Variants in FREM2 observed in about 807,000 individuals in gnomAD.
FREM2 encodes the protein FRAS1 related extracellular matrix 2.
FREM2 carries 119 observed loss-of-function variants against 219.9 expected under a neutral mutation model. That is an observed-to-expected ratio of 0.54 (90% CI 0.47 to 0.63). FREM2 has a LOEUF of 0.63. Among genes scored for constraint, FREM2 ranks in the 30% least tolerant of loss-of-function variants. The probability of loss-of-function intolerance (pLI) is 0.00; values close to 1 mark genes in which losing one functional copy is unlikely to be tolerated. For missense variants in FREM2, 4,030 were observed against 3,993.6 expected (o/e 1.01, Z -0.25); for synonymous variants, 1,562 against 1,522.8 (o/e 1.03, Z -0.60).
At position 38,689,929 on chromosome 13, in the gene FREM2, C is replaced by T. The variant is rs1869737716; in HGVS notation, c.2585C>T (p.Ala862Val). The change falls in exon 1 of 24, where the codon GCC becomes GTC. Residue 862 changes from alanine (A) to valine (V), a missense_variant. By Grantham distance (64) the Ala-to-Val change is moderately conservative (BLOSUM62 0). Around this residue, in one of 2 missense-constraint regions of FREM2, gnomAD observed 3,102 missense variants for 2,950.7 expected, o/e 1.05. Coordinates refer to ENST00000280481, the MANE Select transcript of FREM2 (RefSeq NM_207361.6). The part of the protein sequence containing the change: ...LHVNDVDTDV[A>V]HISFTLTQAP... Reference sequence around the variant, plus strand: ...GTGAATGATGTAGACACTGATGTTGCCCATATCTCTTTCACTCTCACTCAG... The same window carrying T: ...GTGAATGATGTAGACACTGATGTTGTCCATATCTCTTTCACTCTCACTCAG... The T allele has an allele frequency of 6.2e-7, 1 of 1,614,148 alleles. No individual in the cohort carries two copies.
intron 2 of FREM2, among the ~76,000 whole-genome samples, chr13:38,742,438 G>A (rs959861642): frequency 6.6e-6 from 1 of 152,186 alleles, no homozygotes; most frequent in African/African-American, 2.4e-5. Context: ...CTAGCTGTGA[G>A]GAGCTCCCTG....
At chr13:38,878,412 G>A (rs1878425455) in intron 22 of FREM2, 91 bp downstream of exon 22, 1 of 830,440 alleles carries the variant, frequency 1.2e-6, no homozygotes, top group East Asian at 2.9e-5. Flanking sequence ...GGGCACAGTG[G>A]CCACACTATA....
At chr13:38,711,719 T>C (rs1436074515) in intron 2 of FREM2, among the ~76,000 whole-genome samples, 2 of 152,132 alleles carry the variant, frequency 1.3e-5, no homozygotes, top group African/African-American at 4.8e-5. Flanking sequence ...TCCCAAAAAA[T>C]TTAAAAGCAC....
intron 3 of FREM2, among the ~76,000 whole-genome samples, 180 bp from the exon 4 acceptor site, chr13:38,769,398 C>G (rs1372638850): frequency 6.6e-6 from 1 of 152,224 alleles, no homozygotes; most frequent in South Asian, 2.1e-4. Context: ...CACAAACTAC[C>G]CAACACCTAC....
chr13:38,824,586 T>G (rs1593429889), intron 6 of FREM2, among the ~76,000 whole-genome samples: 2 of 152,104 alleles, frequency 1.3e-5, no homozygotes, highest in African/African-American at 4.8e-5. Context: ...ATGCAATGGG[T>G]GCTTGCTGCT....
At chr13:38,699,246 A>C (rs546611744) in intron 2 of FREM2, among the ~76,000 whole-genome samples, 1 of 152,292 alleles carries the variant, frequency 6.6e-6, no homozygotes, top group African/African-American at 2.4e-5. Context: ...AAAAGTTTCA[A>C]ATTCAATGGC....
At chr13:38,825,684 C>A (rs76335747) in intron 6 of FREM2, among the ~76,000 whole-genome samples, 1,754 of 152,064 alleles carry the variant, frequency 0.012, 24 homozygotes, top group African/African-American at 0.04. Context: ...ACACCAGTAG[C>A]CTTAAATTGG....
rs1043139202 is a variant in FREM2, at chr13:38,864,588, C to T, written c.7965C>T (p.Thr2655=). 1 of 1,613,974 alleles carries T rather than the reference C, an allele frequency of 6.2e-7. No individual in the cohort carries two copies. The highest frequency in any genetic ancestry group is 1.1e-5 in the South Asian group (1 of 91,080). The change falls in exon 16 of 24, where the codon ACC becomes ACT. Residue 2655 remains threonine, a synonymous_variant. Coordinates refer to ENST00000280481, the MANE Select transcript of FREM2 (RefSeq NM_207361.6). The stretch of plus-strand genomic sequence containing the variant: ...AACTCCTTGCTGACTGTGGTGGCAC[C>T]ATTGGAACAGATGGACAGGTACAGA... The part of the protein sequence containing the change: ...MSELLADCGG[T]IGTDGQVLNL...
chr13:38,731,455 A>AT (rs111809583), intron 2 of FREM2, among the ~76,000 whole-genome samples: 1,690 of 152,256 alleles, frequency 0.011, 34 homozygotes, highest in African/African-American at 0.039. Context: ...CTTTTGTTTT[A>AT]TTATCTGAAG....
At chr13:38,831,133 G>C (rs1478217524) in intron 6 of FREM2, among the ~76,000 whole-genome samples, 1 of 152,064 alleles carries the variant, frequency 6.6e-6, no homozygotes, top group Admixed American at 6.6e-5. Flanking sequence ...GTCATGACCA[G>C]TTTTTCCTTC....
chr13:38,687,379 G>C lies in FREM2; in HGVS notation c.35G>C (p.Arg12Pro). The C allele has an allele frequency of 6.2e-7, 1 of 1,608,630 alleles. No individual in the cohort carries two copies. Among genetic ancestry groups the C allele is most frequent in the Admixed American group, 1.7e-5 (1 of 59,608 alleles). The change falls in exon 1 of 24, where the codon CGC (arginine) becomes CCC (proline). Residue 12 changes from arginine to proline, a missense_variant. Around this residue, in one of 2 missense-constraint regions of FREM2, gnomAD observed 3,102 missense variants for 2,950.7 expected, o/e 1.05. Coordinates refer to ENST00000280481, the MANE Select transcript of FREM2 (RefSeq NM_207361.6). ...GCCGGGACTCCCGGGTTATCCTCGC[G>C]CCGGACAGGCAACTCCACCAGCTTT... ...HSAGTPGLSS[R>P]RTGNSTSFQP...
At chr13:38,880,090 T>C (rs767889150) in intron 23 of FREM2, among the ~76,000 whole-genome samples, 194 bp from the exon 24 acceptor site, 1 of 152,118 alleles carries the variant, frequency 6.6e-6, no homozygotes, top group Non-Finnish European at 1.5e-5. Flanking sequence ...CCCTTAAGAG[T>C]TGCACAGGAT....
chr13:38,830,403 C>T (rs144134038), intron 6 of FREM2, among the ~76,000 whole-genome samples: 1 of 152,300 alleles, frequency 6.6e-6, no homozygotes, highest in African/African-American at 2.4e-5. Context: ...TTCCCACCTC[C>T]ACTGCCCTAG....
rs1338384242 is a variant in FREM2, at chr13:38,859,608, T to C, written c.7519+18T>C. 26 of 1,609,394 alleles carry C rather than the reference T, an allele frequency of 1.6e-5. No individual in the cohort carries two copies. Among genetic ancestry groups the C allele is most frequent in the Admixed American group, 1.2e-4 (7 of 59,960 alleles). ...AGAAGAAGGTCAGTCATTGCCATTT[T>C]CCCCTGAAGATCACTGGAATACTGT... On this transcript the variant is annotated intron_variant, in intron 14 of 23. Transcript: ENST00000280481.
intron 6 of FREM2, among the ~76,000 whole-genome samples, chr13:38,798,964 T>C (rs550196206): frequency 3.0e-4 from 45 of 152,172 alleles, no homozygotes; most frequent in African/African-American, 1.0e-3. Context: ...TCTTGTTTAG[T>C]CTCTGTTTTC....
At chr13:38,771,992 A>AT (rs201904109) in intron 4 of FREM2, among the ~76,000 whole-genome samples, 3 of 151,676 alleles carry the variant, frequency 2.0e-5, no homozygotes, top group East Asian at 1.9e-4. Flanking sequence ...GAAATTGAGT[A>AT]TTTTTTTTCC....
At chr13:38,823,970 T>C (rs1876172318) in intron 6 of FREM2, among the ~76,000 whole-genome samples, 1 of 152,096 alleles carries the variant, frequency 6.6e-6, no homozygotes, top group Non-Finnish European at 1.5e-5. Context: ...GAGTATTTCT[T>C]GAGTGTTTTG....
At chr13:38,754,871 G>C (rs1872918293) in intron 2 of FREM2, among the ~76,000 whole-genome samples, 1 of 67,588 alleles carries the variant, frequency 1.5e-5, no homozygotes, top group Non-Finnish European at 3.1e-5. Flanking sequence ...TGATGATGAT[G>C]ATGATGATGA....
intron 8 of FREM2, among the ~76,000 whole-genome samples, chr13:38,849,081 A>G (rs1223222657): frequency 6.6e-6 from 1 of 152,170 alleles, no homozygotes; most frequent in East Asian, 1.9e-4. Context: ...ACTTCTGTCA[A>G]GACCCAGCCT....
Sources: allele counts gnomAD v4.1 joint callset (sites outside exome capture counted in the v4.1 genomes callset), GRCh38; gene constraint gnomAD v4.1.1; regional missense constraint gnomAD v4.1.1; transcripts MANE v1.5; gene names NCBI Gene and HGNC (gene_info 2026-07-23, HGNC 2026-07-21).